The following MAF variants were observed in gnomAD, a reference collection of about 807,000 sequenced individuals.
The protein encoded by MAF is MAF bZIP transcription factor.
MAF carries 10 observed loss-of-function variants against 22.0 expected under a neutral mutation model. The ratio of observed to expected loss-of-function variants is 0.45; its 90% confidence interval spans 0.28 to 0.77. The LOEUF is 0.77. MAF is among the 30% of genes least tolerant of loss of function. The pLI is 0.12. For synonymous variants in MAF, 337 were observed against 255.8 expected, an observed-to-expected ratio of 1.32 and a Z score of -3.03; for missense variants, 544 against 548.4, an observed-to-expected ratio of 0.99 and a Z score of 0.08.
At chr16:79,261,644 A>T in the MAF span, among the ~76,000 whole-genome samples, 1 of 152,194 alleles carries the variant, frequency 6.6e-6, no homozygotes, top group African/African-American at 2.4e-5. Context: ...GACACTGCAG[A>T]GGGACGGCCT....
chr16:79,511,771 G>T, the MAF span, among the ~76,000 whole-genome samples: 2 of 152,314 alleles, frequency 1.3e-5, no homozygotes, highest in East Asian at 3.9e-4. Flanking sequence ...GAGGCTTAGA[G>T]AAAATCAATA....
chr16:79,401,460 G>T, the MAF span, among the ~76,000 whole-genome samples: 1 of 152,068 alleles, frequency 6.6e-6, no homozygotes, highest in Non-Finnish European at 1.5e-5. Flanking sequence ...GGGAAAACTG[G>T]CATTTAAACC....
chr16:79,503,374 T>C, the MAF span, among the ~76,000 whole-genome samples: 1 of 152,200 alleles, frequency 6.6e-6, no homozygotes, highest in Non-Finnish European at 1.5e-5. Context: ...TTACAAGGAC[T>C]CACATTTTCT....
chr16:79,447,860 G>A, the MAF span, among the ~76,000 whole-genome samples: 2 of 120,782 alleles, frequency 1.7e-5, no homozygotes, highest in Non-Finnish European at 1.6e-5. Context: ...TCACGTCACT[G>A]TACTCTACGA....
chr16:79,413,238 T>G, the MAF span, among the ~76,000 whole-genome samples: 8 of 52,354 alleles, frequency 1.5e-4, no homozygotes, highest in South Asian at 9.7e-4. Flanking sequence ...TTTTTTTTTT[T>G]TTTTTTTTTT....
the MAF span, among the ~76,000 whole-genome samples, chr16:79,519,513 T>C: frequency 7.2e-5 from 11 of 152,164 alleles, no homozygotes; most frequent in African/African-American, 2.7e-4. Context: ...CGAAGCAGCA[T>C]GTTCTGGCCT....
At chr16:79,211,625 C>T in the MAF span, 1 of 1,614,192 alleles carries the variant, frequency 6.2e-7, no homozygotes, top group East Asian at 2.2e-5. Flanking sequence ...GAGCTGCCAC[C>T]ACCGTGTACT....
chr16:79,354,557 T>C, the MAF span, among the ~76,000 whole-genome samples: 3 of 152,078 alleles, frequency 2.0e-5, no homozygotes, highest in African/African-American at 7.2e-5. Flanking sequence ...AAGAGAGAAG[T>C]AGAGAAGGTG....
chr16:79,497,788 G>A, the MAF span, among the ~76,000 whole-genome samples: 1 of 152,212 alleles, frequency 6.6e-6, no homozygotes, highest in Admixed American at 6.5e-5. Flanking sequence ...AAAAGAGGAA[G>A]CCTCTGAATT....
the MAF span, among the ~76,000 whole-genome samples, chr16:79,210,067 G>A: frequency 6.6e-6 from 1 of 152,158 alleles, no homozygotes; most frequent in Non-Finnish European, 1.5e-5. Flanking sequence ...CAGGACCAGT[G>A]GAACTTGTCC....
the MAF span, among the ~76,000 whole-genome samples, chr16:79,264,218 A>T: frequency 2.6e-5 from 4 of 152,144 alleles, no homozygotes; most frequent in African/African-American, 9.7e-5. Context: ...CTCAGTCCAG[A>T]GGGGGCAAAA....
chr16:79,581,550 A>G (rs1345614758), downstream of MAF, among the ~76,000 whole-genome samples: 1 of 152,230 alleles, frequency 6.6e-6, no homozygotes, highest in Non-Finnish European at 1.5e-5. Context: ...CTCAGGGTCA[A>G]TTTCTCGGAG....
chr16:79,370,704 C>T, the MAF span, among the ~76,000 whole-genome samples: 1 of 152,178 alleles, frequency 6.6e-6, no homozygotes, highest in African/African-American at 2.4e-5. Flanking sequence ...TTTTCCAAAG[C>T]ATATATCAGA....
the MAF span, among the ~76,000 whole-genome samples, chr16:79,255,338 G>C: frequency 2.0e-5 from 3 of 152,318 alleles, no homozygotes; most frequent in East Asian, 3.9e-4. Flanking sequence ...TTTAGGTGCA[G>C]ATGAAAATCA....
At chr16:79,221,987 C>A in the MAF span, among the ~76,000 whole-genome samples, 2 of 151,956 alleles carry the variant, frequency 1.3e-5, no homozygotes, top group Non-Finnish European at 2.9e-5. Context: ...TTTCTTAAAG[C>A]AGTAAAAATA....
At chr16:79,473,958 G>C in the MAF span, among the ~76,000 whole-genome samples, 2 of 152,150 alleles carry the variant, frequency 1.3e-5, no homozygotes, top group African/African-American at 4.8e-5. Context: ...TAAAGTGGTC[G>C]AGTGGGGAGG....
At chr16:79,241,131 TCTC>T in the MAF span, among the ~76,000 whole-genome samples, 1 of 151,994 alleles carries the variant, frequency 6.6e-6, no homozygotes, top group Non-Finnish European at 1.5e-5. Context: ...GAATGCCTCT[TCTC>T]CTCCAAAGGA....
intron 1 of MAF, chr16:79,595,451 G>C (rs746663882): frequency 5.0e-5 from 53 of 1,057,400 alleles, no homozygotes; most frequent in African/African-American, 6.6e-5. Context: ...CAAAACAAAA[G>C]TCATCGTGTT....
the MAF span, among the ~76,000 whole-genome samples, chr16:79,343,878 A>G: frequency 6.6e-6 from 1 of 152,150 alleles, no homozygotes; most frequent in Non-Finnish European, 1.5e-5. Flanking sequence ...AGACAACCTC[A>G]GGGTGTGGCT....
Sources: allele counts gnomAD v4.1 joint callset (sites outside exome capture counted in the v4.1 genomes callset), GRCh38; gene constraint gnomAD v4.1.1; transcripts MANE v1.5; gene names NCBI Gene and HGNC (gene_info 2026-07-23, HGNC 2026-07-21).